The following RYR3 variants were observed in gnomAD, a reference collection of about 807,000 sequenced individuals.
RYR3 encodes the protein ryanodine receptor 3.
Under a neutral mutation model 584.3 loss-of-function variants are expected in RYR3, and 207 were observed. The observed-to-expected ratio is 0.35, with a 90% CI of 0.32 to 0.40. RYR3 has a LOEUF of 0.40. RYR3 is among the 10% of genes least tolerant of loss of function. The pLI, the probability that RYR3 is intolerant of heterozygous loss-of-function variation, is 1.00. For missense variants in RYR3, 5,616 were observed against 6,089.2 expected (o/e 0.92, Z 2.59); for synonymous variants, 2,416 against 2,248.5 (o/e 1.07, Z -2.11).
chr15:33,734,756 C>G (rs559262122), intron 48 of RYR3, among the ~76,000 whole-genome samples: 1 of 139,492 alleles, frequency 7.2e-6, no homozygotes, highest in Admixed American at 7.9e-5. Context: ...GTGGTGCCAT[C>G]TCCACTCTCT....
chr15:33,480,570 T>C (rs1054848695), intron 2 of RYR3, among the ~76,000 whole-genome samples: 10 of 152,196 alleles, frequency 6.6e-5, no homozygotes, highest in African/African-American at 2.2e-4. Context: ...ATTTGTGACT[T>C]TTAAAAGTAA....
intron 102 of RYR3, among the ~76,000 whole-genome samples, chr15:33,863,187 G>GTGTT (rs1372244749): frequency 2.6e-5 from 4 of 152,094 alleles, no homozygotes; most frequent in Admixed American, 2.6e-4. Context: ...AATTTTATTC[G>GTGTT]TGTTTGAGCC....
intron 21 of RYR3, among the ~76,000 whole-genome samples, chr15:33,629,339 A>G (rs1421783813): frequency 6.6e-6 from 1 of 152,256 alleles, no homozygotes; most frequent in Non-Finnish European, 1.5e-5. Context: ...GATGTACTAA[A>G]AGTGTAAAAT....
At chr15:33,482,219 T>A (rs886471504) in intron 2 of RYR3, among the ~76,000 whole-genome samples, 1 of 152,164 alleles carries the variant, frequency 6.6e-6, no homozygotes. Flanking sequence ...TAAAAAATCA[T>A]TATTTAGTTT....
rs1002054270 is a variant in RYR3, at chr15:33,749,412, C to T, written c.8200-567C>T. ...GGCCTGCCCTAGCCTGGAGCACTCA[C>T]CCTCTGGAAGTCCATCAGACCAGCC... is the stretch of plus-strand genomic sequence containing the variant. On this transcript the variant is annotated intron_variant, in intron 55 of 103. Coordinates refer to ENST00000634891, the MANE Select transcript of RYR3 (RefSeq NM_001036.6). Among the ~76,000 whole-genome samples the T allele has an allele frequency of 3.9e-5, 6 of 152,176 alleles. No homozygotes were observed. The East Asian group carries it at 1.2e-3, about 29-fold the overall frequency.
At chr15:33,841,270 T>C (rs2078346905) in intron 90 of RYR3, among the ~76,000 whole-genome samples, 1 of 152,166 alleles carries the variant, frequency 6.6e-6, no homozygotes, top group African/African-American at 2.4e-5. Context: ...GCATCTGATA[T>C]TCTGTCGCTA....
At chr15:33,535,577 C>T (rs1159755703) in intron 5 of RYR3, among the ~76,000 whole-genome samples, 1 of 152,088 alleles carries the variant, frequency 6.6e-6, no homozygotes, top group Non-Finnish European at 1.5e-5. Context: ...AAATATAGAC[C>T]AACTGTCAAT....
chr15:33,789,105 G>GA (rs2074928905), intron 67 of RYR3, among the ~76,000 whole-genome samples: 1 of 151,778 alleles, frequency 6.6e-6, no homozygotes, highest in South Asian at 2.1e-4. Context: ...CAGGCACCAA[G>GA]AAAAAAGTGC....
Position 33,693,919 on chromosome 15 carries a change from C to T in RYR3, c.5861-2299C>T, listed in dbSNP as rs1329523902. Among the ~76,000 whole-genome samples, 5 of 152,116 alleles carry T rather than the reference C, an allele frequency of 3.3e-5. No homozygotes were observed. In the South Asian group the frequency reaches 8.3e-4, roughly 25 times the overall value. On this transcript the variant is annotated intron_variant, in intron 38 of 103. Coordinates refer to ENST00000634891, the MANE Select transcript of RYR3 (RefSeq NM_001036.6). ...TAGTACACACTCAACACAGAGTGCC[C>T]GGACTAGGCCCTGTATTATTTCTTT...
Position 33,865,745 on chromosome 15 carries a change from CTT to C in RYR3, c.*521_*522del, listed in dbSNP as rs1466998587. 6.5e-6 allele frequency: 1 copy of C among 153,622 alleles called. No homozygotes were observed. The highest frequency in any genetic ancestry group is 1.5e-5 in the Non-Finnish European group (1 of 68,736). 9.5% of individuals were successfully genotyped at this position (153,622 alleles called of 1,614,324 possible). A position where few individuals can be genotyped will look rare whatever the true frequency, so the allele number is the denominator to read the frequency against. ...TTAAAGAAACAGAAAAAAACCGACA[CTT>C]TGTCGACACTGAAATATCGATTAAG... On this transcript the variant is annotated 3_prime_UTR_variant, in exon 104 of 104. Transcript: ENST00000634891.
chr15:33,384,762 T>C (rs191097835), intron 1 of RYR3, among the ~76,000 whole-genome samples: 11 of 152,168 alleles, frequency 7.2e-5, no homozygotes, highest in Admixed American at 6.5e-4. Flanking sequence ...AATCACCATG[T>C]TGTATAATGG....
chr15:33,710,996 A>G (rs1039991507), intron 43 of RYR3, among the ~76,000 whole-genome samples: 3 of 152,178 alleles, frequency 2.0e-5, no homozygotes, highest in Non-Finnish European at 2.9e-5. Flanking sequence ...ATTATCTTGG[A>G]TGTTAGCACT....
At chr15:33,858,617 C>CTTGA (rs983609192) in intron 99 of RYR3, 1 of 40,010 alleles carries the variant, frequency 2.5e-5, no homozygotes, top group African/African-American at 4.1e-5. Flanking sequence ...GGATTAAGCA[C>CTTGA]TTGATTTATT....
At chr15:33,771,178 T>C (rs1430585144) in intron 62 of RYR3, among the ~76,000 whole-genome samples, 1 of 152,230 alleles carries the variant, frequency 6.6e-6, no homozygotes, top group African/African-American at 2.4e-5. Context: ...CTTATTTCCT[T>C]GCTCTTTTCC....
At chr15:33,318,328 C>G (rs1261695294) in intron 1 of RYR3, among the ~76,000 whole-genome samples, 1 of 152,230 alleles carries the variant, frequency 6.6e-6, no homozygotes, top group African/African-American at 2.4e-5. Flanking sequence ...GTGACCCTTG[C>G]AGATACCCAG....
chr15:33,470,649 C>T (rs1384159716), intron 1 of RYR3, among the ~76,000 whole-genome samples: 1 of 152,086 alleles, frequency 6.6e-6, no homozygotes, highest in Non-Finnish European at 1.5e-5. Flanking sequence ...TGGGATCATT[C>T]TAGGTTATGA....
chr15:33,785,108 G>A (rs541264718), intron 65 of RYR3, among the ~76,000 whole-genome samples: 4 of 152,246 alleles, frequency 2.6e-5, no homozygotes, highest in East Asian at 1.9e-4. Flanking sequence ...ATCAGTCCAC[G>A]TGCGATGCTT....
At chr15:33,835,580 A>G (rs535411443) in intron 87 of RYR3, among the ~76,000 whole-genome samples, 1 of 152,300 alleles carries the variant, frequency 6.6e-6, no homozygotes, top group African/African-American at 2.4e-5. Context: ...TAAATGTAGC[A>G]TATGTAGCAG....
At chr15:33,330,385 A>C (rs996693117) in intron 1 of RYR3, among the ~76,000 whole-genome samples, 2 of 152,152 alleles carry the variant, frequency 1.3e-5, no homozygotes, top group Non-Finnish European at 2.9e-5. Flanking sequence ...TCATTGGAGC[A>C]GTTGCCATCA....
Sources: allele counts gnomAD v4.1 joint callset (sites outside exome capture counted in the v4.1 genomes callset), GRCh38; gene constraint gnomAD v4.1.1; transcripts MANE v1.5; gene names NCBI Gene and HGNC (gene_info 2026-07-23, HGNC 2026-07-21).